EDC3: variants seen among roughly 807,000 people sequenced by gnomAD.
The protein encoded by EDC3 is enhancer of mRNA-decapping protein 3.
Under a neutral mutation model 41.8 loss-of-function variants are expected in EDC3, and 20 were observed. The observed-to-expected ratio is 0.48, with a 90% confidence interval of 0.34 to 0.70. The LOEUF (loss-of-function observed/expected upper bound fraction) is 0.70, where lower values mean the gene tolerates loss of function less well. Ranked by LOEUF, EDC3 falls within the 30% of genes least tolerant of loss-of-function variation. The probability of loss-of-function intolerance (pLI) is 0.01; values close to 1 mark genes in which losing one functional copy is unlikely to be tolerated. For missense variants in EDC3, 444 were observed against 636.8 expected, an observed-to-expected ratio of 0.70 and a Z score of 3.26; for synonymous variants, 206 against 243.2, an observed-to-expected ratio of 0.85 and a Z score of 1.42.
At chr15:74,667,321 T>C (rs1172445453) in intron 3 of EDC3, among the ~76,000 whole-genome samples, 1 of 151,942 alleles carries the variant, frequency 6.6e-6, no homozygotes, top group Admixed American at 6.6e-5. Context: ...TACACACATA[T>C]ATTTTCTTTT....
At chr15:74,654,769 CAG>C (rs947977433) in intron 4 of EDC3, among the ~76,000 whole-genome samples, 4 of 151,492 alleles carry the variant, frequency 2.6e-5, no homozygotes, top group African/African-American at 9.7e-5. Flanking sequence ...CCAAATACAA[CAG>C]AGTCCTACTA....
chr15:74,684,784 T>C (rs2062917074), intron 1 of EDC3, among the ~76,000 whole-genome samples: 1 of 152,000 alleles, frequency 6.6e-6, no homozygotes, highest in African/African-American at 2.4e-5. Context: ...ATGCTCGATG[T>C]AGAAAAAACA....
At chr15:74,649,399 G>A (rs547109843) in intron 4 of EDC3, among the ~76,000 whole-genome samples, 257 of 152,132 alleles carry the variant, frequency 1.7e-3, no homozygotes, top group Non-Finnish European at 3.2e-3. Context: ...GATTACAGGT[G>A]TGAGCCACTG....
At chr15:74,691,379 A>C (rs1275723065) in intron 1 of EDC3, among the ~76,000 whole-genome samples, 1 of 152,250 alleles carries the variant, frequency 6.6e-6, no homozygotes, top group East Asian at 1.9e-4. Context: ...AAATGAGATA[A>C]TCCATATAGT....
At chr15:74,669,108 T>C (rs1044528284) in intron 3 of EDC3, among the ~76,000 whole-genome samples, 15 of 151,926 alleles carry the variant, frequency 9.9e-5, no homozygotes, top group African/African-American at 3.6e-4. Flanking sequence ...CAGTGGCTTA[T>C]GCCTGTAATC....
chr15:74,656,441 A>ACACACG (rs61494161), intron 3 of EDC3, among the ~76,000 whole-genome samples: 4 of 151,788 alleles, frequency 2.6e-5, no homozygotes, highest in African/African-American at 9.7e-5. Flanking sequence ...ACACACACAC[A>ACACACG]AACAACAACA....
At chr15:74,656,766 C>T (rs947007811) in intron 3 of EDC3, among the ~76,000 whole-genome samples, 1 of 152,164 alleles carries the variant, frequency 6.6e-6, no homozygotes, top group Admixed American at 6.5e-5. Flanking sequence ...TTAAACCACC[C>T]ATGGCTCTGC....
intron 3 of EDC3, among the ~76,000 whole-genome samples, chr15:74,669,142 T>C (rs906459479): frequency 8.0e-5 from 12 of 150,908 alleles, no homozygotes; most frequent in Non-Finnish European, 1.2e-4. Flanking sequence ...AGGCCGAGAG[T>C]TTGAGACCAG....
chr15:74,633,014 C>T (rs1567150362), intron 6 of EDC3, 68 bp from the exon 7 acceptor site: 1 of 1,494,766 alleles, frequency 6.7e-7, no homozygotes, highest in South Asian at 1.2e-5. Context: ...GGGACTAGGG[C>T]CCAGGTCACC....
chr15:74,660,340 GT>G (rs1211825314), intron 3 of EDC3, among the ~76,000 whole-genome samples: 2 of 151,572 alleles, frequency 1.3e-5, no homozygotes, highest in African/African-American at 4.9e-5. Context: ...GGAGGTGGAG[GT>G]TGCAGTGAGC....
chr15:74,685,931 G>A (rs1354517813), intron 1 of EDC3, among the ~76,000 whole-genome samples: 6 of 152,198 alleles, frequency 3.9e-5, no homozygotes, highest in Non-Finnish European at 5.9e-5. Context: ...GGGGGCTCAC[G>A]TTTATAATTC....
intron 6 of EDC3, chr15:74,635,199 G>A: frequency 1.4e-6 from 1 of 698,882 alleles, no homozygotes. Flanking sequence ...ATGGACCAAT[G>A]GGTCCCCAGC....
At chr15:74,664,083 C>T (rs185377460) in intron 3 of EDC3, among the ~76,000 whole-genome samples, 1 of 152,314 alleles carries the variant, frequency 6.6e-6, no homozygotes, top group East Asian at 1.9e-4. Flanking sequence ...TAAACACTGT[C>T]AGGAAAGCAG....
chr15:74,681,514 T>C (rs773283853), intron 1 of EDC3, among the ~76,000 whole-genome samples: 4 of 152,142 alleles, frequency 2.6e-5, no homozygotes, highest in Non-Finnish European at 5.9e-5. Context: ...ACTTACACAA[T>C]TATGATAATC....
intron 3 of EDC3, among the ~76,000 whole-genome samples, chr15:74,658,214 G>C (rs978550745): frequency 6.6e-6 from 1 of 152,060 alleles, no homozygotes; most frequent in Non-Finnish European, 1.5e-5. Flanking sequence ...TGAAAGACTG[G>C]GCTCTTCAAT....
intron 3 of EDC3, among the ~76,000 whole-genome samples, chr15:74,670,506 T>A (rs895929654): frequency 3.3e-5 from 5 of 152,320 alleles, no homozygotes; most frequent in African/African-American, 9.6e-5. Context: ...ATCAGCTCAC[T>A]GCAACCTCTG....
At chr15:74,674,113 T>TA (rs1489977009) in intron 2 of EDC3, among the ~76,000 whole-genome samples, 1 of 152,142 alleles carries the variant, frequency 6.6e-6, no homozygotes, top group Non-Finnish European at 1.5e-5. Flanking sequence ...TATTTTTATT[T>TA]ATTTTTTTAC....
chr15:74,694,959 T>TAA (rs755076960), intron 1 of EDC3, among the ~76,000 whole-genome samples: 3,138 of 140,160 alleles, frequency 0.022, 105 homozygotes, highest in African/African-American at 0.078. Context: ...TGCCATTCAT[T>TAA]AAAAAAAAAA....
chr15:74,665,116 C>T (rs577825763), intron 3 of EDC3, among the ~76,000 whole-genome samples: 6 of 152,308 alleles, frequency 3.9e-5, no homozygotes, highest in East Asian at 3.9e-4. Flanking sequence ...CTCCACCTCC[C>T]GGGTTCAAGC....
Sources: allele counts gnomAD v4.1 joint callset (sites outside exome capture counted in the v4.1 genomes callset), GRCh38; gene constraint gnomAD v4.1.1; transcripts MANE v1.5; gene names NCBI Gene and HGNC (gene_info 2026-07-23, HGNC 2026-07-21).